The following SOS2 variants were observed in gnomAD, a reference collection of about 807,000 sequenced individuals.
SOS2 encodes the protein son of sevenless homolog 2.
Under a neutral mutation model 148.2 loss-of-function variants are expected in SOS2, and 65 were observed. The observed-to-expected ratio is 0.44, with a 90% CI of 0.36 to 0.54. SOS2 has a LOEUF of 0.54. Among genes scored for constraint, SOS2 ranks in the 20% least tolerant of loss-of-function variants. The pLI is 0.00. For missense variants in SOS2, 1,341 were observed against 1,590.2 expected (o/e 0.84, Z 2.67); for synonymous variants, 539 against 537.1 (o/e 1.00, Z -0.05).
intron 4 of SOS2, among the ~76,000 whole-genome samples, chr14:50,193,189 CCTTT>C (rs1180550827): frequency 8.6e-5 from 13 of 151,940 alleles, no homozygotes; most frequent in Non-Finnish European, 1.2e-4. Context: ...GGGTATCTCA[CCTTT>C]CTTTCTTTGT....
At chr14:50,212,539 A>G (rs1242587022) in intron 1 of SOS2, among the ~76,000 whole-genome samples, 1 of 152,244 alleles carries the variant, frequency 6.6e-6, no homozygotes, top group Non-Finnish European at 1.5e-5. Flanking sequence ...TTATCCTGAG[A>G]AAAGTGCTGA....
chr14:50,150,023 T>G lies in SOS2; in HGVS notation c.2369A>C (p.Glu790Ala). 1.2e-6 allele frequency: 2 copies of G among 1,606,858 alleles called. No homozygotes were observed. The highest frequency in any genetic ancestry group is 1.7e-6 in the Non-Finnish European group (2 of 1,173,346). The change falls in exon 14 of 23, where the codon GAG (glutamate) becomes GCG (alanine). Residue 790 changes from glutamate (E) to alanine (A), a missense_variant. By Grantham distance (107) the Glu-to-Ala change is moderately radical. This residue lies in a region of SOS2 where 408 missense variants were observed against 506.6 expected (regional missense o/e 0.81). Coordinates refer to ENST00000216373, the MANE Select transcript of SOS2 (RefSeq NM_006939.4). ...AATTGTCTACCTGTAAAGATCAGACTCCAAAAGTGTCAGCTGACGTGCAAT... is the reference window on the plus strand; with the variant it reads ...AATTGTCTACCTGTAAAGATCAGACGCCAAAAGTGTCAGCTGACGTGCAAT... ...IEIARQLTLL[E>A]SDLYRKVQPS...
chr14:50,187,652 A>C (rs1305056501), intron 5 of SOS2, among the ~76,000 whole-genome samples: 2 of 152,202 alleles, frequency 1.3e-5, no homozygotes, highest in Non-Finnish European at 2.9e-5. Context: ...CCCGGTCAAG[A>C]CTAATTATTT....
At chr14:50,145,955 A>G (rs964996268) in intron 14 of SOS2, among the ~76,000 whole-genome samples, 1 of 151,722 alleles carries the variant, frequency 6.6e-6, no homozygotes, top group African/African-American at 2.4e-5. Flanking sequence ...ACCATCATGG[A>G]AAAACCCCGT....
At chr14:50,120,198 C>A (rs1883456698) in intron 22 of SOS2, 77 bp downstream of exon 22, 2 of 678,216 alleles carry the variant, frequency 2.9e-6, no homozygotes, top group Non-Finnish European at 5.2e-6. Context: ...GTATAATTCA[C>A]AGACTCTTTA....
intron 1 of SOS2, among the ~76,000 whole-genome samples, chr14:50,214,975 A>C (rs1887001625): frequency 6.6e-6 from 1 of 151,230 alleles, no homozygotes; most frequent in African/African-American, 2.4e-5. Flanking sequence ...AGCTGGGACT[A>C]TAGGTGCCCA....
intron 8 of SOS2, among the ~76,000 whole-genome samples, chr14:50,169,036 G>A (rs1885270348): frequency 6.6e-6 from 1 of 152,186 alleles, no homozygotes; most frequent in African/African-American, 2.4e-5. Context: ...GTTAGGCCTG[G>A]TGCAGTGGCT....
chr14:50,199,285 G>GT (rs1886408746), intron 4 of SOS2, among the ~76,000 whole-genome samples: 1 of 151,914 alleles, frequency 6.6e-6, no homozygotes, highest in African/African-American at 2.4e-5. Flanking sequence ...TCAGAGGGGA[G>GT]TAACTTCAAC....
intron 9 of SOS2, among the ~76,000 whole-genome samples, chr14:50,160,379 CTTTTTTTTTTTTTTTTTTTTT>C (rs200021758): frequency 3.4e-4 from 27 of 78,924 alleles, no homozygotes; most frequent in East Asian, 5.7e-4. Context: ...CAATGCTAAT[CTTTTTTTTTTTTTTTTTTTTT>C]TTTTTTTTTT....
intron 7 of SOS2, 110 bp from the exon 8 acceptor site, chr14:50,174,662 A>G: frequency 2.0e-6 from 1 of 497,708 alleles, no homozygotes; most frequent in Non-Finnish European, 3.6e-6. Flanking sequence ...ACTTATCAAA[A>G]CTACAACAGA....
chr14:50,206,892 A>C (rs1886677048), intron 1 of SOS2, among the ~76,000 whole-genome samples: 1 of 152,144 alleles, frequency 6.6e-6, no homozygotes. Context: ...GGCTCACTGT[A>C]GCCTTGACCT....
chr14:50,159,915 T>C lies in SOS2; in HGVS notation c.1368A>G (p.Glu456=), dbSNP rs1884940492. The change falls in exon 10 of 23, where the codon GAA becomes GAG. Residue 456 remains glutamate, a synonymous_variant. Transcript: ENST00000216373. ...GPLTRIGAKH[E]RHIFLFDGLM... ...AGCCATCAAACAGAAAAATATGCCG[T>C]TCATGTTTGGCACCGATTCTTGTCA... The C allele has an allele frequency of 1.2e-6, 2 of 1,614,054 alleles. No individual in the cohort carries two copies. The highest frequency in any genetic ancestry group is 1.7e-6 in the Non-Finnish European group (2 of 1,180,026).
chr14:50,122,748 T>G (rs545722439), intron 21 of SOS2, among the ~76,000 whole-genome samples: 158 of 152,358 alleles, frequency 1.0e-3, no homozygotes, highest in African/African-American at 3.5e-3. Context: ...CAAGAGCATT[T>G]CCCTACAAGA....
At chr14:50,210,956 T>C (rs1266884354) in intron 1 of SOS2, among the ~76,000 whole-genome samples, 1 of 152,140 alleles carries the variant, frequency 6.6e-6, no homozygotes, top group East Asian at 1.9e-4. Context: ...AATGTTTCAA[T>C]CACTTTCAAA....
At chr14:50,156,106 C>T (rs1387561980) in intron 12 of SOS2, 1 of 151,824 alleles carries the variant, frequency 6.6e-6, no homozygotes, top group Non-Finnish European at 1.5e-5. Context: ...ATCAAGGAAA[C>T]TTGAAATTTA....
intron 12 of SOS2, chr14:50,156,593 G>A (rs1385627783): frequency 6.6e-6 from 1 of 152,260 alleles, no homozygotes; most frequent in Non-Finnish European, 1.5e-5. Context: ...ATTATAAATT[G>A]TAAAAAAAGC....
At chr14:50,174,348 A>C in intron 8 of SOS2, 106 bp downstream of exon 8, 1 of 457,492 alleles carries the variant, frequency 2.2e-6, no homozygotes, top group East Asian at 3.2e-5. Flanking sequence ...AAATACTTAC[A>C]TAAAATAAGA....
chr14:50,158,048 T>A (rs141936609), intron 11 of SOS2, among the ~76,000 whole-genome samples: 2 of 152,240 alleles, frequency 1.3e-5, no homozygotes, highest in African/African-American at 4.8e-5. Flanking sequence ...TTCAAAATAA[T>A]CATGGGGTGG....
rs199923091 is a variant in SOS2, at chr14:50,216,783, TA to T, written c.88-12375del. ...AAACATGAATAAATAAAAATAAAAA[TA>T]AAAATACAATATACTGCTGATAGGA... is the stretch of plus-strand genomic sequence containing the variant. On this transcript the variant is annotated intron_variant, in intron 1 of 22. Coordinates refer to ENST00000216373, the MANE Select transcript of SOS2 (RefSeq NM_006939.4). Among the ~76,000 whole-genome samples, 879 of 151,938 alleles carry T rather than the reference TA, an allele frequency of 5.8e-3. 11 individuals carry two copies. Among genetic ancestry groups the T allele is most frequent in the African/African-American group, 0.019 (790 of 41,438 alleles).
Sources: gnomAD v4.1 joint callset for allele counts (sites outside exome capture counted in the v4.1 genomes callset) on GRCh38, gnomAD v4.1.1 for gene constraint, gnomAD v4.1.1 regional missense constraint, MANE v1.5 for transcripts, NCBI Gene and HGNC (gene_info 2026-07-23, HGNC 2026-07-21) for gene names.